KAZN: variants seen among roughly 807,000 people sequenced by gnomAD.
The protein encoded by KAZN is kazrin.
KAZN carries 40 observed loss-of-function variants against 87.4 expected under a neutral mutation model. The ratio of observed to expected loss-of-function variants is 0.46; its 90% confidence interval spans 0.36 to 0.60. KAZN has a LOEUF of 0.60. KAZN is among the 20% of genes least tolerant of loss of function. The pLI, the probability that KAZN is intolerant of heterozygous loss-of-function variation, is 0.00. For synonymous variants in KAZN, 466 were observed against 458.3 expected (o/e 1.02, Z -0.22); for missense variants, 898 against 1,073.9 (o/e 0.84, Z 2.29).
At chr1:13,987,402 A>G (rs992331946) in intron 1 of KAZN, among the ~76,000 whole-genome samples, 1 of 152,088 alleles carries the variant, frequency 6.6e-6, no homozygotes, top group Non-Finnish European at 1.5e-5. Context: ...ACTCCTACTT[A>G]TGAGTGACAA....
chr1:14,639,203 A>T (rs1049461602), intron 1 of KAZN, among the ~76,000 whole-genome samples: 15 of 152,134 alleles, frequency 9.9e-5, no homozygotes, highest in African/African-American at 3.1e-4. Flanking sequence ...GGCCCAAGAG[A>T]GTCCAGCAGA....
At chr1:14,584,336 T>C (rs1459316110) in intron 2 of KAZN, among the ~76,000 whole-genome samples, 1 of 152,136 alleles carries the variant, frequency 6.6e-6, no homozygotes, top group Non-Finnish European at 1.5e-5. Flanking sequence ...AAGCCCGGAG[T>C]TGCCTTTGGC....
intron 1 of KAZN, among the ~76,000 whole-genome samples, chr1:14,883,662 G>A (rs906995385): frequency 2.0e-5 from 3 of 152,068 alleles, no homozygotes; most frequent in East Asian, 1.9e-4. Context: ...AATTTCAAGA[G>A]ATTCAAGGGC....
chr1:14,600,666 C>CAAAAAAAAAAAA (rs59840012), intron 1 of KAZN, among the ~76,000 whole-genome samples: 2 of 118,510 alleles, frequency 1.7e-5, no homozygotes, highest in Admixed American at 8.1e-5. Context: ...GGAACCTGTG[C>CAAAAAAAAAAAA]AAAAAAAAAA....
chr1:14,785,136 A>G (rs548974830), intron 1 of KAZN, among the ~76,000 whole-genome samples: 4 of 152,122 alleles, frequency 2.6e-5, no homozygotes, highest in East Asian at 1.9e-4. Context: ...GACCAATGTC[A>G]GCCAAGTTAA....
At chr1:14,519,606 C>G (rs1325599831) in intron 2 of KAZN, among the ~76,000 whole-genome samples, 1 of 152,190 alleles carries the variant, frequency 6.6e-6, no homozygotes, top group African/African-American at 2.4e-5. Context: ...AAAGCCTAGG[C>G]CAGGGCACGA....
At chr1:15,098,111 C>G (rs1640878540) in intron 10 of KAZN, among the ~76,000 whole-genome samples, 1 of 152,192 alleles carries the variant, frequency 6.6e-6, no homozygotes, top group African/African-American at 2.4e-5. Context: ...TTCAAGGTCC[C>G]AGAGCTAAAA....
At position 14,557,652 on chromosome 1, in the gene KAZN, GT is replaced by G. The variant is rs1241147496; in HGVS notation, c.250-41330del. Among the ~76,000 whole-genome samples the G allele has an allele frequency of 3.4e-5, 5 of 145,380 alleles. No individual in the cohort carries two copies. The East Asian group carries it at 6.7e-4, about 19-fold the overall frequency. ...TGGGTGTGTGTGTGTGTGTGTGTGT[GT>G]GTGTGTGTGTGTGGTGTGTGAGAGA... On this transcript the variant is annotated intron_variant, in intron 2 of 16. Transcript: ENST00000636203.
intron 1 of KAZN, among the ~76,000 whole-genome samples, chr1:14,094,084 G>A (rs1028028737): frequency 1.3e-5 from 2 of 152,118 alleles, no homozygotes; most frequent in African/African-American, 4.8e-5. Context: ...GGGGAAAGGG[G>A]GTTTTGGTTT....
intron 1 of KAZN, chr1:14,924,278 C>G: frequency 1.1e-5 from 11 of 982,942 alleles, no homozygotes; most frequent in Non-Finnish European, 1.3e-5. Flanking sequence ...CGCCCCGATG[C>G]GGCGGCGACC....
intron 2 of KAZN, among the ~76,000 whole-genome samples, chr1:15,004,566 G>A (rs1010362199): frequency 6.6e-6 from 1 of 152,230 alleles, no homozygotes; most frequent in African/African-American, 2.4e-5. Context: ...GATGATGTGT[G>A]TAAATCCCCT....
At chr1:15,054,623 G>A (rs1674749438) in intron 4 of KAZN, among the ~76,000 whole-genome samples, 1 of 151,120 alleles carries the variant, frequency 6.6e-6, no homozygotes, top group African/African-American at 2.4e-5. Context: ...CTGCACTCCG[G>A]CCTGGGCAAC....
At chr1:14,211,527 C>CT (rs764534171) in intron 2 of KAZN, among the ~76,000 whole-genome samples, 3 of 152,030 alleles carry the variant, frequency 2.0e-5, no homozygotes, top group Non-Finnish European at 4.4e-5. Flanking sequence ...CCGGGCCTAT[C>CT]TTTTTTTAAT....
chr1:14,222,475 G>T (rs1160050312), intron 2 of KAZN, among the ~76,000 whole-genome samples: 1 of 152,154 alleles, frequency 6.6e-6, no homozygotes, highest in East Asian at 1.9e-4. Flanking sequence ...CTATGTTTCT[G>T]CTTTTGTTCT....
intron 8 of KAZN, among the ~76,000 whole-genome samples, chr1:15,087,639 G>C (rs771201007): frequency 6.6e-6 from 1 of 152,048 alleles, no homozygotes; most frequent in Non-Finnish European, 1.5e-5. Flanking sequence ...CACCCACCTC[G>C]GTGTCCCAAA....
intron 2 of KAZN, among the ~76,000 whole-genome samples, chr1:14,976,031 CAAAAAAAA>C (rs1162988294): frequency 2.0e-4 from 17 of 85,508 alleles, no homozygotes; most frequent in African/African-American, 4.9e-4. Context: ...GACTCCGTCT[CAAAAAAAA>C]AAAAAAAAAA....
chr1:13,941,772 C>A (rs1310879908), intron 1 of KAZN, among the ~76,000 whole-genome samples: 2 of 152,300 alleles, frequency 1.3e-5, no homozygotes, highest in Middle Eastern at 3.4e-3. Context: ...ACCACCACCA[C>A]CAACAGCAAC....
In KAZN at chr1:15,110,467, GTA is replaced by G. The variant is rs1208644921; in HGVS notation, c.2049-1958_2049-1957del. On this transcript the variant is annotated intron_variant, in intron 13 of 14. Coordinates refer to ENST00000376030, the MANE Select transcript of KAZN (RefSeq NM_201628.3). Reference sequence around the variant, plus strand: ...TGTATGTGTGTATTTGTGTGTGTTTGTATGTTTGTGTATTTGTGTGTGTATGT... The same window carrying G: ...TGTATGTGTGTATTTGTGTGTGTTTGTGTTTGTGTATTTGTGTGTGTATGT... Among the ~76,000 whole-genome samples the G allele has an allele frequency of 2.1e-5, 3 of 141,320 alleles. No homozygotes were observed. The South Asian group carries it at 7.1e-4, about 33-fold the overall frequency. 92.7% of individuals were successfully genotyped at this position (141,320 alleles called of 152,430 possible). A position where few individuals can be genotyped will look rare whatever the true frequency, so the allele number is the denominator to read the frequency against.
chr1:14,791,261 G>A (rs1290147799), intron 1 of KAZN, among the ~76,000 whole-genome samples: 1 of 152,180 alleles, frequency 6.6e-6, no homozygotes, highest in Non-Finnish European at 1.5e-5. Flanking sequence ...TTTGCAGCCA[G>A]GGCATCTTCC....
Sources: allele counts gnomAD v4.1 joint callset (sites outside exome capture counted in the v4.1 genomes callset), GRCh38; gene constraint gnomAD v4.1.1; transcripts MANE v1.5; gene names NCBI Gene and HGNC (gene_info 2026-07-23, HGNC 2026-07-21).